The following NSMAF variants were observed in gnomAD, a reference collection of about 807,000 sequenced individuals.
The protein encoded by NSMAF is neutral sphingomyelinase activation associated factor.
Under a neutral mutation model 134.9 loss-of-function variants are expected in NSMAF, and 90 were observed. The observed-to-expected ratio is 0.67, with a 90% CI of 0.56 to 0.79. The LOEUF is 0.79. Ranked by LOEUF, NSMAF falls within the 30% of genes least tolerant of loss-of-function variation. The pLI is 0.00. For missense variants in NSMAF, 1,010 were observed against 1,119.0 expected, an observed-to-expected ratio of 0.90 and a Z score of 1.39; for synonymous variants, 358 against 389.6, an observed-to-expected ratio of 0.92 and a Z score of 0.96.
intron 23 of NSMAF, among the ~76,000 whole-genome samples, chr8:58,591,952 C>A (rs528800411): frequency 1.2e-4 from 18 of 152,302 alleles, no homozygotes; most frequent in African/African-American, 4.3e-4. Context: ...AATAATTCAA[C>A]CCAATTTTTG....
In NSMAF at chr8:58,605,950, T is replaced by G. The variant is rs949262904; in HGVS notation, c.845A>C (p.Tyr282Ser). 1 of 1,584,436 alleles carries G rather than the reference T, an allele frequency of 6.3e-7. No individual in the cohort carries two copies. Among genetic ancestry groups the G allele is most frequent in the Non-Finnish European group, 8.6e-7 (1 of 1,169,402 alleles). The change falls in exon 12 of 31, where the codon TAT (tyrosine) becomes TCT (serine). Residue 282 changes from tyrosine (Y) to serine (S), a missense_variant. Coordinates refer to ENST00000038176, the MANE Select transcript of NSMAF (RefSeq NM_003580.4). ...FYEPQDRDDL[Y>S]FYIATYLEHH... ...ACCTAGGTATGTGGCAATGTAAAAA[T>G]AGAGATCATCTCTATCTTGAGGTTC...
intron 1 of NSMAF, among the ~76,000 whole-genome samples, chr8:58,654,805 T>G (rs1172918530): frequency 6.6e-6 from 1 of 152,116 alleles, no homozygotes; most frequent in East Asian, 1.9e-4. Flanking sequence ...GAAGGAAACA[T>G]ATCTCAACTA....
intron 11 of NSMAF, among the ~76,000 whole-genome samples, chr8:58,607,305 G>A (rs1806431801): frequency 6.6e-6 from 1 of 152,172 alleles, no homozygotes; most frequent in Non-Finnish European, 1.5e-5. Flanking sequence ...GATTTTACAT[G>A]GTTATTTTGT....
rs1202148103 is a variant in NSMAF, at chr8:58,585,839, T to A, written c.2549+59A>T. ...TTGAACTGGCCAATGTAAGCCCAAA[T>A]GAAGTGATCATGAACATGTCTGTAA... On this transcript the variant is annotated intron_variant, in intron 29 of 30. Coordinates refer to ENST00000038176, the MANE Select transcript of NSMAF (RefSeq NM_003580.4). 1.8e-5 allele frequency: 28 copies of A among 1,579,492 alleles called. No homozygotes were observed. The Admixed American group carries it at 4.7e-4, about 26-fold the overall frequency.
intron 13 of NSMAF, among the ~76,000 whole-genome samples, 198 bp downstream of exon 13, chr8:58,603,012 T>C (rs1318284363): frequency 6.6e-6 from 1 of 152,184 alleles, no homozygotes; most frequent in Non-Finnish European, 1.5e-5. Flanking sequence ...GGAAAAAACA[T>C]ACATGAAACA....
intron 1 of NSMAF, among the ~76,000 whole-genome samples, chr8:58,650,440 T>C (rs1043034521): frequency 1.3e-5 from 2 of 151,642 alleles, no homozygotes; most frequent in African/African-American, 2.4e-5. Flanking sequence ...TTTGCTAGCC[T>C]GATTTTCTTT....
At chr8:58,608,710 T>C (rs1350692836) in intron 10 of NSMAF, among the ~76,000 whole-genome samples, 1 of 152,240 alleles carries the variant, frequency 6.6e-6, no homozygotes, top group Non-Finnish European at 1.5e-5. Flanking sequence ...GCTAGCAGCA[T>C]GCAGTGTCTA....
At chr8:58,599,123 C>A in intron 19 of NSMAF, 109 bp downstream of exon 19, 1 of 1,095,306 alleles carries the variant, frequency 9.1e-7, no homozygotes, top group Non-Finnish European at 1.3e-6. Flanking sequence ...AGACTAATTG[C>A]TTTGGCCTCA....
In NSMAF at chr8:58,612,963, T is replaced by G. The variant is rs139692322; in HGVS notation, c.558-3230A>C. 4.8e-3 allele frequency among the ~76,000 whole-genome samples: 727 copies of G among 152,240 alleles called. 8 individuals carry two copies. The highest frequency in any genetic ancestry group is 0.016 in the African/African-American group (682 of 41,542). On this transcript the variant is annotated intron_variant, in intron 9 of 30. Transcript: ENST00000038176. ...GGTAAGAAACCTGTCAACCTAGAAT[T>G]CTATATCCAAAAACACCCTTCGAAA...
At position 58,586,547 on chromosome 8, in the gene NSMAF, G is replaced by C. The variant is rs533202658; in HGVS notation, c.2357C>G (p.Thr786Arg). The C allele has an allele frequency of 9.3e-6, 15 of 1,613,848 alleles. No individual in the cohort carries two copies. The South Asian group carries it at 1.6e-4, about 18-fold the overall frequency. The change falls in exon 28 of 31, where the codon ACA becomes AGA. Residue 786 changes from threonine (T) to arginine (R), a missense_variant. Thr to Arg is a moderately conservative substitution (Grantham distance 71). Coordinates refer to ENST00000038176, the MANE Select transcript of NSMAF (RefSeq NM_003580.4). The part of the protein sequence containing the change: ...TLLVSGTKEG[T>R]VNIWDLTTAT... ...CGTTGTGAGGTCCCAAATATTCACT[G>C]TGCCTTCTTTGGTGCCGGAAACTAA...
At chr8:58,601,789 G>A (rs978047693) in intron 14 of NSMAF, among the ~76,000 whole-genome samples, 1 of 152,192 alleles carries the variant, frequency 6.6e-6, no homozygotes, top group African/African-American at 2.4e-5. Flanking sequence ...CTGATTTTAT[G>A]TGTCTCTTAT....
At chr8:58,589,907 T>C (rs900283429) in intron 25 of NSMAF, 100 bp downstream of exon 25, 2 of 934,918 alleles carry the variant, frequency 2.1e-6, no homozygotes, top group South Asian at 2.9e-5. Flanking sequence ...AAAACAGTGC[T>C]GTGTCCTGGC....
intron 6 of NSMAF, among the ~76,000 whole-genome samples, chr8:58,627,591 A>G (rs1806964258): frequency 6.6e-6 from 1 of 152,214 alleles, no homozygotes; most frequent in Admixed American, 6.5e-5. Context: ...TCAAATCAAC[A>G]ATTCCATTCC....
chr8:58,653,085 G>C (rs553197587), intron 1 of NSMAF, among the ~76,000 whole-genome samples: 6 of 152,272 alleles, frequency 3.9e-5, no homozygotes, highest in Admixed American at 3.3e-4. Context: ...CTGAGGATGG[G>C]GGCACAGCAG....
chr8:58,651,227 C>G (rs924678885), intron 1 of NSMAF, among the ~76,000 whole-genome samples: 1 of 152,194 alleles, frequency 6.6e-6, no homozygotes, highest in Non-Finnish European at 1.5e-5. Context: ...TTTTATTATC[C>G]ATGTTCTACA....
At chr8:58,652,217 G>A (rs1198808591) in intron 1 of NSMAF, among the ~76,000 whole-genome samples, 1 of 152,192 alleles carries the variant, frequency 6.6e-6, no homozygotes, top group Non-Finnish European at 1.5e-5. Context: ...CTTAAAAGCA[G>A]TCAGAGAAAA....
chr8:58,609,559 G>C (rs1193641767), intron 10 of NSMAF, 45 bp downstream of exon 10: 2 of 1,609,758 alleles, frequency 1.2e-6, no homozygotes, highest in Non-Finnish European at 1.7e-6. Flanking sequence ...TCTGGAAACA[G>C]CTTAAACATG....
intron 1 of NSMAF, among the ~76,000 whole-genome samples, chr8:58,658,993 G>GC (rs1807787535): frequency 6.6e-6 from 1 of 152,110 alleles, no homozygotes; most frequent in South Asian, 2.1e-4. Flanking sequence ...CTTTCCGGCG[G>GC]CCCCCCTCCC....
At chr8:58,607,692 G>C (rs946452481) in intron 11 of NSMAF, 77 bp downstream of exon 11, 11 of 1,061,606 alleles carry the variant, frequency 1.0e-5, no homozygotes, top group East Asian at 2.4e-5. Flanking sequence ...CATCCCATAA[G>C]TGTTTACCGT....
Sources: allele counts gnomAD v4.1 joint callset (sites outside exome capture counted in the v4.1 genomes callset), GRCh38; gene constraint gnomAD v4.1.1; transcripts MANE v1.5; gene names NCBI Gene and HGNC (gene_info 2026-07-23, HGNC 2026-07-21).